The following SMCHD1 variants were observed in gnomAD, a reference collection of about 807,000 sequenced individuals.
The protein encoded by SMCHD1 is structural maintenance of chromosomes flexible hinge domain-containing protein 1.
In SMCHD1, 78 loss-of-function variants were observed where a neutral mutation model predicts 254.7. The observed-to-expected ratio is 0.31, with a 90% CI of 0.26 to 0.37. The LOEUF (loss-of-function observed/expected upper bound fraction) is 0.37. Among genes scored for constraint, SMCHD1 ranks in the 10% least tolerant of loss-of-function variants. SMCHD1 has a pLI of 1.00. For missense variants in SMCHD1, 1,840 were observed against 2,408.1 expected, an observed-to-expected ratio of 0.76 and a Z score of 4.94; for synonymous variants, 766 against 794.9, an observed-to-expected ratio of 0.96 and a Z score of 0.61.
At position 2,780,772 on chromosome 18, in the gene SMCHD1, A is replaced by G. The variant is rs534766269; in HGVS notation, c.5547+2533A>G. Among the ~76,000 whole-genome samples the G allele has an allele frequency of 2.6e-5, 4 of 152,296 alleles. No individual in the cohort carries two copies. In the East Asian group the frequency reaches 5.8e-4, roughly 22 times the overall value. ...AGTCTGTATGAAGTCCTTCATGCCT[A>G]TATGAATGTGGTGTTCAGGAGACCT... On this transcript the variant is annotated intron_variant, in intron 44 of 47. Coordinates refer to ENST00000320876, the MANE Select transcript of SMCHD1 (RefSeq NM_015295.3).
chr18:2,768,545 A>G (rs769137076), intron 37 of SMCHD1, among the ~76,000 whole-genome samples: 3 of 148,706 alleles, frequency 2.0e-5, no homozygotes, highest in Non-Finnish European at 4.4e-5. Context: ...TATGTTATAG[A>G]TAATTGTTTA....
intron 45 of SMCHD1, among the ~76,000 whole-genome samples, chr18:2,790,931 A>G (rs1332134615): frequency 1.3e-5 from 2 of 152,176 alleles, no homozygotes; most frequent in African/African-American, 2.4e-5. Context: ...AAAATGAAAA[A>G]CAAAGTCATA....
intron 3 of SMCHD1, among the ~76,000 whole-genome samples, chr18:2,671,861 G>A (rs1471982354): frequency 3.3e-5 from 5 of 151,990 alleles, no homozygotes; most frequent in East Asian, 1.9e-4. Flanking sequence ...GCCTCCCAAA[G>A]TGCTGGGATT....
Position 2,718,426 on chromosome 18 carries a change from C to A in SMCHD1, c.2450C>A (p.Ser817Tyr). 2 of 1,604,746 alleles carry A rather than the reference C, an allele frequency of 1.2e-6. No individual in the cohort carries two copies. The highest frequency in any genetic ancestry group is 1.7e-6 in the Non-Finnish European group (2 of 1,176,792). ...RPLPSKAIKFSVKEGKPEKFS... is the reference protein window; with the variant it reads ...RPLPSKAIKFYVKEGKPEKFS... ...CTACCATCTAAAGCAATTAAGTTTT[C>A]TGTTAAAGGTAAGCAAAACAGTAAT... Residue 817 changes from serine (S) to tyrosine (Y), a missense_variant, in exon 19 of 48, where the codon TCT becomes TAT. Coordinates refer to ENST00000320876, the MANE Select transcript of SMCHD1 (RefSeq NM_015295.3). This position sits in a 1 kb window ranked among gnomAD's most constrained non-coding sequence, Gnocchi z 4.6.
At position 2,724,941 on chromosome 18, in the gene SMCHD1, T is replaced by C; in HGVS notation, c.2646T>C (p.Asn882=). 6.3e-7 allele frequency: 1 copy of C among 1,595,310 alleles called. No individual in the cohort carries two copies. Among genetic ancestry groups the C allele is most frequent in the East Asian group, 2.2e-5 (1 of 44,554 alleles). Residue 882 remains asparagine, a synonymous_variant, in exon 21 of 48, where the codon AAT becomes AAC. Coordinates refer to ENST00000320876, the MANE Select transcript of SMCHD1 (RefSeq NM_015295.3). The part of the protein sequence containing the change: ...LHYEEITKGP[N]CVIRGVTAKG... ...ATGAAGAAATAACCAAAGGACCAAA[T>C]TGTGTAATTCGAGGTGTTACAGCCA...
At position 2,704,604 on chromosome 18, in the gene SMCHD1, ATT is replaced by A. The variant is rs141807133; in HGVS notation, c.1842+735_1842+736del. ...GGTTAGAAGGAGAGAAGAGGAGAGG[ATT>A]TTTTTTTTTTTTTTTTACTTTGGTT... On this transcript the variant is annotated intron_variant, in intron 13 of 47. Transcript: ENST00000320876. Among the ~76,000 whole-genome samples the A allele has an allele frequency of 1.0e-3, 145 of 138,832 alleles. 1 individual carries two copies. The Middle Eastern group carries it at 0.018, about 17-fold the overall frequency. 91.1% of individuals were successfully genotyped at this position (138,832 alleles called of 152,430 possible). A position where few individuals can be genotyped will look rare whatever the true frequency, so the allele number is the denominator to read the frequency against.
chr18:2,801,170 T>C (rs1485846404), intron 47 of SMCHD1: 5 of 152,186 alleles, frequency 3.3e-5, no homozygotes, highest in African/African-American at 1.2e-4. Context: ...TAGGGATGAA[T>C]AAAATTCATT....
rs1442586754 is a variant in SMCHD1 at position 2,667,785 on chromosome 18, T to G, written c.424+754T>G. ...ATGGTGCATACTTCTTTAACCTACATTTTGTTTAAAAATAAAGTGAACATC... is the reference window on the plus strand; with the variant it reads ...ATGGTGCATACTTCTTTAACCTACAGTTTGTTTAAAAATAAAGTGAACATC... On this transcript the variant is annotated intron_variant, in intron 3 of 47. Transcript: ENST00000320876. Among the ~76,000 whole-genome samples, 2 of 152,220 alleles carry G rather than the reference T, an allele frequency of 1.3e-5. 1 individual carries two copies. The highest frequency in any genetic ancestry group is 3.8e-4 in the East Asian group (2 of 5,202).
intron 19 of SMCHD1, among the ~76,000 whole-genome samples, chr18:2,720,525 A>C (rs1223301768): frequency 2.6e-5 from 4 of 152,200 alleles, no homozygotes; most frequent in African/African-American, 9.7e-5. Flanking sequence ...AGGGCACTTG[A>C]AAATTTCCTT....
chr18:2,774,910 G>A (rs901886233), intron 41 of SMCHD1, among the ~76,000 whole-genome samples: 1 of 152,226 alleles, frequency 6.6e-6, no homozygotes, highest in Admixed American at 6.5e-5. Flanking sequence ...GCACATGCGT[G>A]AGATATGCCA....
rs1277905569 is a variant in SMCHD1 at position 2,793,656 on chromosome 18, C to CAAAAA, written c.5720-2282_5720-2278dup. On this transcript the variant is annotated intron_variant, in intron 45 of 47. Transcript: ENST00000320876. Reference sequence around the variant, plus strand: ...CTCCAGCCTGGGCGAGACTCCGTCTCAAAAAAAAAAAAAAAGAAAGAAAAC... The same window carrying CAAAAA: ...CTCCAGCCTGGGCGAGACTCCGTCTCAAAAAAAAAAAAAAAAAAAAGAAAGAAAAC... Among the ~76,000 whole-genome samples, 29 of 43,862 alleles carry CAAAAA rather than the reference C, an allele frequency of 6.6e-4. 3 individuals are homozygous for CAAAAA. Among genetic ancestry groups the CAAAAA allele is most frequent in the East Asian group, 5.3e-3 (7 of 1,310 alleles). The allele number at this position is 43,862 out of a possible 152,430, so 28.8% of individuals were successfully genotyped here.
chr18:2,747,784 CCT>C, intron 30 of SMCHD1, 137 bp downstream of exon 30: 1 of 776,926 alleles, frequency 1.3e-6, no homozygotes, highest in African/African-American at 1.8e-5. Flanking sequence ...TGTAAATAAA[CCT>C]CAAAAATTTT....
At chr18:2,677,083 G>A (rs2073768905) in intron 5 of SMCHD1, among the ~76,000 whole-genome samples, 2 of 151,836 alleles carry the variant, frequency 1.3e-5, no homozygotes, top group African/African-American at 2.4e-5. Flanking sequence ...TTGTAGAATG[G>A]TCCACAACCT....
At chr18:2,726,431 T>A (rs764321050) in intron 21 of SMCHD1, 21 bp from the exon 22 acceptor site, 3 of 1,390,736 alleles carry the variant, frequency 2.2e-6, no homozygotes, top group Non-Finnish European at 2.9e-6. Context: ...GGGTTTAATT[T>A]TTACTGTTTT....
chr18:2,711,927 G>T (rs1397058589), intron 17 of SMCHD1, among the ~76,000 whole-genome samples: 1 of 151,998 alleles, frequency 6.6e-6, no homozygotes, highest in Non-Finnish European at 1.5e-5. Flanking sequence ...AAAGAACCTG[G>T]CACCTCCCTC....
At chr18:2,750,020 A>G (rs2075541431) in intron 30 of SMCHD1, 23 bp from the exon 31 acceptor site, 15 of 1,537,810 alleles carry the variant, frequency 9.8e-6, no homozygotes, top group East Asian at 7.3e-5. Flanking sequence ...CTAATTAACC[A>G]TTTTGTTTTG....
chr18:2,725,058 GA>G, intron 21 of SMCHD1, 63 bp downstream of exon 21: 1 of 1,023,400 alleles, frequency 9.8e-7, no homozygotes, highest in Non-Finnish European at 1.4e-6. Context: ...TGGTAAGAAT[GA>G]AATTGTAAAT....
intron 23 of SMCHD1, 133 bp downstream of exon 23, chr18:2,728,729 C>A: frequency 4.5e-6 from 4 of 893,702 alleles, no homozygotes; most frequent in Non-Finnish European, 6.1e-6. Context: ...TTTGTGGGAT[C>A]TTATTGCCAA....
chr18:2,697,921 G>A lies in SMCHD1; in HGVS notation c.1222G>A (p.Ala408Thr), dbSNP rs1410978221. Residue 408 changes from alanine to threonine, a missense_variant, in exon 10 of 48, where the codon GCT (alanine) becomes ACT (threonine). Physicochemically the swap from Ala to Thr is moderately conservative, Grantham distance 58. Around this residue, in one of 9 missense-constraint regions of SMCHD1, gnomAD observed 498 missense variants for 743.5 expected, o/e 0.67. Coordinates refer to ENST00000320876, the MANE Select transcript of SMCHD1 (RefSeq NM_015295.3). ...GCAGACGTTGTATGTAAACACAGCAGCTGATAGTTTTGAATTCAAAGCTCA... is the reference window on the plus strand; with the variant it reads ...GCAGACGTTGTATGTAAACACAGCAACTGATAGTTTTGAATTCAAAGCTCA... Reference protein sequence around the residue: ...DMQTLYVNTAADSFEFKAHVE... With the variant: ...DMQTLYVNTATDSFEFKAHVE... 5.6e-6 allele frequency: 9 copies of A among 1,613,496 alleles called. No homozygotes were observed. In the South Asian group the frequency reaches 8.8e-5, roughly 16 times the overall value.
Sources: allele counts gnomAD v4.1 joint callset (sites outside exome capture counted in the v4.1 genomes callset), GRCh38; gene constraint gnomAD v4.1.1; regional missense constraint gnomAD v4.1.1; non-coding constraint Gnocchi (gnomAD v3.1); transcripts MANE v1.5; gene names NCBI Gene and HGNC (gene_info 2026-07-23, HGNC 2026-07-21).